The following DCAKD variants were observed in gnomAD, a reference collection of about 807,000 sequenced individuals.
DCAKD encodes dephospho-CoA kinase domain containing, also known as dephospho-CoA kinase domain-containing protein.
Under a neutral mutation model 18.7 loss-of-function variants are expected in DCAKD, and 15 were observed. The ratio of observed to expected loss-of-function variants is 0.80; its 90% CI spans 0.54 to 1.24. The LOEUF is 1.24. DCAKD is among the 50% of genes most tolerant of loss of function. The pLI is 0.00. For missense variants in DCAKD, 301 were observed against 322.0 expected (o/e 0.93, Z 0.50); for synonymous variants, 130 against 133.0 (o/e 0.98, Z 0.16).
At chr17:45,025,007 C>CTTTTTTTTTTTTTTTTTTTTTT (rs1567827079) in intron 4 of DCAKD, among the ~76,000 whole-genome samples, 1 of 118,922 alleles carries the variant, frequency 8.4e-6, no homozygotes. Flanking sequence ...TTGGCCACAG[C>CTTTTTTTTTTTTTTTTTTTTTT]TCTTTTTTTT....
chr17:45,034,105 C>T, intron 3 of DCAKD, 82 bp downstream of exon 3: 2 of 1,605,728 alleles, frequency 1.2e-6, no homozygotes, highest in Non-Finnish European at 1.7e-6. Flanking sequence ...AGCTCCCCTA[C>T]CCTGGCCAAA....
At chr17:45,041,084 T>A (rs2053422731) in intron 1 of DCAKD, among the ~76,000 whole-genome samples, 1 of 152,134 alleles carries the variant, frequency 6.6e-6, no homozygotes, top group Non-Finnish European at 1.5e-5. Context: ...AGTAGCCTCA[T>A]GACCTGACCC....
upstream of DCAKD, among the ~76,000 whole-genome samples, chr17:45,053,093 G>A (rs2053739167): frequency 6.8e-6 from 1 of 147,664 alleles, no homozygotes; most frequent in Non-Finnish European, 1.5e-5. Context: ...AACCCGGGAG[G>A]TGGAGGTTGC....
At chr17:45,044,878 C>T (rs2053530811) in intron 1 of DCAKD, among the ~76,000 whole-genome samples, 1 of 152,170 alleles carries the variant, frequency 6.6e-6, no homozygotes, top group Admixed American at 6.6e-5. Flanking sequence ...GGGGAACTTC[C>T]TTACAGAGTG....
chr17:45,032,641 G>A (rs1235500350), intron 3 of DCAKD, among the ~76,000 whole-genome samples: 1 of 152,084 alleles, frequency 6.6e-6, no homozygotes, highest in African/African-American at 2.4e-5. Context: ...AAGTTAGCCA[G>A]GTTTGGTGGC....
chr17:45,043,411 C>T (rs777520198), intron 1 of DCAKD, among the ~76,000 whole-genome samples: 1 of 152,160 alleles, frequency 6.6e-6, no homozygotes, highest in African/African-American at 2.4e-5. Context: ...TGATGGGTTA[C>T]TTAAGGGTGT....
chr17:45,025,009 CTTT>C (rs747194341), intron 4 of DCAKD, among the ~76,000 whole-genome samples: 7 of 113,278 alleles, frequency 6.2e-5, no homozygotes, highest in East Asian at 2.5e-4. Context: ...GGCCACAGCT[CTTT>C]TTTTTTTTTT....
chr17:45,035,145 C>T (rs973371696), intron 1 of DCAKD, 146 bp from the exon 2 acceptor site: 10 of 438,760 alleles, frequency 2.3e-5, no homozygotes, highest in Non-Finnish European at 4.2e-5. Flanking sequence ...AGAGGAGAAA[C>T]CCTCCAGGAA....
intron 4 of DCAKD, chr17:45,026,724 T>G (rs986361656): frequency 1.0e-6 from 1 of 985,324 alleles, no homozygotes; most frequent in African/African-American, 1.7e-5. Context: ...ATTTCCTCTG[T>G]TACGGGGTCA....
chr17:45,058,911 T>G (rs2053817724), intron 1 of DCAKD, among the ~76,000 whole-genome samples: 1 of 152,130 alleles, frequency 6.6e-6, no homozygotes, highest in South Asian at 2.1e-4. Flanking sequence ...CTGCTTTGGA[T>G]CATAATTACT....
At chr17:45,033,794 A>G (rs9303432) in intron 3 of DCAKD, 1,037,756 of 1,040,854 alleles carry the variant, frequency 1, 517,466 homozygotes, top group African/African-American at 1. Context: ...CCACTGCACA[A>G]ATGAAAAAAT....
intron 3 of DCAKD, 48 bp from the exon 4 acceptor site, chr17:45,030,227 C>G: frequency 1.3e-6 from 2 of 1,546,268 alleles, no homozygotes; most frequent in Non-Finnish European, 1.8e-6. Flanking sequence ...CAAGCGCACA[C>G]TGAGGACTGA....
At chr17:45,040,402 AAAAAAGCTCCCCT>A (rs1330358822) in intron 1 of DCAKD, among the ~76,000 whole-genome samples, 1 of 151,720 alleles carries the variant, frequency 6.6e-6, no homozygotes, top group Non-Finnish European at 1.5e-5. Flanking sequence ...AAAAAAAAAA[AAAAAAGCTCCCCT>A]GGCAAACCAA....
chr17:45,059,468 A>G (rs1264813312), intron 1 of DCAKD, among the ~76,000 whole-genome samples: 2 of 152,192 alleles, frequency 1.3e-5, no homozygotes, highest in African/African-American at 4.8e-5. Context: ...CGAATAGGAA[A>G]TTTCCAAGAA....
chr17:45,031,718 A>G (rs2053173862), intron 3 of DCAKD: 1 of 985,080 alleles, frequency 1.0e-6, no homozygotes, highest in Non-Finnish European at 1.2e-6. Context: ...GTGGTCAGCT[A>G]TTTGGTTCAC....
At chr17:45,056,620 G>A (rs77696508), upstream of DCAKD, among the ~76,000 whole-genome samples, 2 of 151,988 alleles carry the variant, frequency 1.3e-5, no homozygotes, top group South Asian at 2.1e-4. Flanking sequence ...GATTACAGGC[G>A]TCCACCACTG....
chr17:45,048,877 C>G (rs1345517312), intron 1 of DCAKD, among the ~76,000 whole-genome samples: 1 of 151,714 alleles, frequency 6.6e-6, no homozygotes, highest in Non-Finnish European at 1.5e-5. Flanking sequence ...TATGGTGTAG[C>G]CATTCTTTAT....
At position 45,051,518 on chromosome 17, in the gene DCAKD, C is replaced by A. The variant is rs2053696224; in HGVS notation, c.-272G>T. 1 of 151,760 alleles carries A rather than the reference C, an allele frequency of 6.6e-6. No homozygotes were observed. The highest frequency in any genetic ancestry group is 1.5e-5 in the Non-Finnish European group (1 of 67,944). 9.4% of individuals were successfully genotyped at this position (151,760 alleles called of 1,614,324 possible). On this transcript the variant is annotated 5_prime_UTR_variant, in exon 1 of 5. Transcript: ENST00000651974. ...GGCCCGCCCCCTCCCCGGCGCCCGGCTGGCTCTCACCGGCCCGCGTGGCGC... is the reference window on the plus strand; with the variant it reads ...GGCCCGCCCCCTCCCCGGCGCCCGGATGGCTCTCACCGGCCCGCGTGGCGC...
intron 1 of DCAKD, among the ~76,000 whole-genome samples, chr17:45,056,753 GCA>G (rs947527484): frequency 1.3e-5 from 2 of 151,908 alleles, no homozygotes; most frequent in African/African-American, 4.8e-5. Flanking sequence ...GGGATTATAG[GCA>G]TGAGCCACCG....
Sources: allele counts gnomAD v4.1 joint callset (sites outside exome capture counted in the v4.1 genomes callset), GRCh38; gene constraint gnomAD v4.1.1; transcripts MANE v1.5; gene names NCBI Gene and HGNC (gene_info 2026-07-23, HGNC 2026-07-21).